KLF13: variants seen among roughly 807,000 people sequenced by gnomAD.
KLF13 encodes the protein Krueppel-like factor 13.
In KLF13, 8 loss-of-function variants were observed where a neutral mutation model predicts 16.7. That is an observed-to-expected ratio of 0.48 (90% CI 0.28 to 0.87). KLF13 has a LOEUF of 0.87. KLF13 is among the 40% of genes least tolerant of loss of function. KLF13 has a pLI of 0.10. For missense variants in KLF13, 447 were observed against 452.2 expected (o/e 0.99, Z 0.10); for synonymous variants, 245 against 208.4 (o/e 1.18, Z -1.51).
At chr15:31,351,293 A>C (rs1391712924) in intron 1 of KLF13, among the ~76,000 whole-genome samples, 1 of 152,238 alleles carries the variant, frequency 6.6e-6, no homozygotes, top group East Asian at 1.9e-4. Context: ...GAGAAACAGG[A>C]AAGTATCAAG....
chr15:31,345,759 G>A (rs1595461062), intron 1 of KLF13, among the ~76,000 whole-genome samples: 1 of 152,200 alleles, frequency 6.6e-6, no homozygotes, highest in Admixed American at 6.5e-5. Context: ...AGTGTGCTTA[G>A]TTCTGACCCG....
intron 1 of KLF13, among the ~76,000 whole-genome samples, chr15:31,347,762 C>T (rs1035871750): frequency 2.6e-5 from 4 of 152,266 alleles, no homozygotes; most frequent in Admixed American, 2.0e-4. Flanking sequence ...CCAACCTCTT[C>T]TGTCTGCCCT....
intron 2 of KLF13, among the ~76,000 whole-genome samples, chr15:31,399,242 C>G (rs773905311): frequency 6.6e-6 from 1 of 152,174 alleles, no homozygotes; most frequent in Non-Finnish European, 1.5e-5. Flanking sequence ...AGTGCAATGG[C>G]GCAATCTTGG....
rs372636775 is a variant in KLF13, at chr15:31,387,792, T to A, written n.224-47578T>A. On this transcript the variant is annotated intron_variant and non_coding_transcript_variant, in intron 1 of 1. Transcript: ENST00000558921. The stretch of plus-strand genomic sequence containing the variant: ...GCAGGCTGTCCCTACAACGGGCAGA[T>A]TGAAGTGTGCACAGATGTCCGTGAC... Among the ~76,000 whole-genome samples, 22 of 152,354 alleles carry A rather than the reference T, an allele frequency of 1.4e-4. No homozygotes were observed. In the South Asian group the frequency reaches 2.7e-3, roughly 19 times the overall value.
intron 1 of KLF13, among the ~76,000 whole-genome samples, chr15:31,427,413 C>T (rs1394182993): frequency 2.0e-5 from 3 of 152,146 alleles, no homozygotes; most frequent in Non-Finnish European, 4.4e-5. Flanking sequence ...TACGGCGATT[C>T]CTCGAGAAAT....
At chr15:31,351,908 G>A (rs931043081) in intron 1 of KLF13, among the ~76,000 whole-genome samples, 1 of 152,088 alleles carries the variant, frequency 6.6e-6, no homozygotes. Context: ...AGCTACTGAG[G>A]AGGCTGAGGC....
chr15:31,376,641 C>G lies in KLF13; in HGVS notation c.*4342C>G, dbSNP rs2039651047. 6.6e-6 allele frequency: 1 copy of G among 152,652 alleles called. No homozygotes were observed. 9.5% of individuals were successfully genotyped at this position (152,652 alleles called of 1,614,324 possible). On this transcript the variant is annotated 3_prime_UTR_variant, in exon 2 of 2. Transcript: ENST00000307145. Reference sequence around the variant, plus strand: ...CATTCCGGAGACCTTTGTACCAGAACTTGGATGCATAGTCCACCTTACTAC... The same window carrying G: ...CATTCCGGAGACCTTTGTACCAGAAGTTGGATGCATAGTCCACCTTACTAC...
downstream of KLF13, among the ~76,000 whole-genome samples, chr15:31,378,706 TTTTC>T (rs2039687868): frequency 6.6e-6 from 1 of 152,132 alleles, no homozygotes; most frequent in African/African-American, 2.4e-5. Context: ...TACCTGTTCT[TTTTC>T]TTTTTTTTGA....
intron 1 of KLF13, among the ~76,000 whole-genome samples, chr15:31,347,856 G>A (rs186656891): frequency 8.5e-4 from 129 of 152,332 alleles, no homozygotes; most frequent in Admixed American, 7.4e-3. Context: ...TGGCTGCAGC[G>A]CTGGTGGAAC....
At chr15:31,415,894 T>C (rs970841116) in intron 1 of KLF13, among the ~76,000 whole-genome samples, 1 of 151,650 alleles carries the variant, frequency 6.6e-6, no homozygotes, top group Non-Finnish European at 1.5e-5. Context: ...AATTGATAAA[T>C]ATTTAATTTT....
At chr15:31,401,117 C>T (rs759889704) in intron 2 of KLF13, among the ~76,000 whole-genome samples, 1 of 152,062 alleles carries the variant, frequency 6.6e-6, no homozygotes, top group Non-Finnish European at 1.5e-5. Flanking sequence ...TATTCTGCCT[C>T]AGCCTACCAA....
intron 1 of KLF13, among the ~76,000 whole-genome samples, chr15:31,421,942 C>T (rs1426750134): frequency 1.3e-5 from 2 of 151,858 alleles, no homozygotes; most frequent in African/African-American, 2.4e-5. Context: ...GATGAAACCC[C>T]ATCTCTACCA....
intron 1 of KLF13, among the ~76,000 whole-genome samples, chr15:31,419,396 A>C (rs1274634497): frequency 6.6e-6 from 1 of 152,238 alleles, no homozygotes; most frequent in Non-Finnish European, 1.5e-5. Context: ...ACAAGAGTAC[A>C]CAGATAGACA....
intron 2 of KLF13, among the ~76,000 whole-genome samples, chr15:31,402,106 T>G (rs998073119): frequency 6.6e-6 from 1 of 152,142 alleles, no homozygotes; most frequent in African/African-American, 2.4e-5. Flanking sequence ...GGGGAGACAC[T>G]GCATGTCCAG....
intron 1 of KLF13, among the ~76,000 whole-genome samples, chr15:31,425,872 C>A (rs1016565662): frequency 6.6e-5 from 10 of 152,084 alleles, no homozygotes; most frequent in African/African-American, 2.4e-4. Context: ...AGTGAAACTC[C>A]GTCTCAAAAA....
intron 1 of KLF13, among the ~76,000 whole-genome samples, chr15:31,412,767 T>A (rs1383261107): frequency 6.6e-6 from 1 of 152,208 alleles, no homozygotes; most frequent in African/African-American, 2.4e-5. Flanking sequence ...TCATTGGAAT[T>A]GACTTCTTGT....
At chr15:31,398,394 C>G (rs1566836138) in intron 2 of KLF13, among the ~76,000 whole-genome samples, 1 of 152,202 alleles carries the variant, frequency 6.6e-6, no homozygotes, top group Non-Finnish European at 1.5e-5. Context: ...AAAACAGCTG[C>G]TGGCATTTCG....
chr15:31,381,177 A>AAAAAAG, downstream of KLF13, among the ~76,000 whole-genome samples: 1 of 152,096 alleles, frequency 6.6e-6, no homozygotes, highest in East Asian at 1.9e-4. Context: ...GTCTCAAAAA[A>AAAAAAG]AAAAAAAAAA....
At chr15:31,415,980 G>A (rs1201846789) in intron 1 of KLF13, among the ~76,000 whole-genome samples, 1 of 151,992 alleles carries the variant, frequency 6.6e-6, no homozygotes, top group African/African-American at 2.4e-5. Context: ...AGGAATAAAA[G>A]AGGAGACATT....
Sources: allele counts gnomAD v4.1 joint callset (sites outside exome capture counted in the v4.1 genomes callset), GRCh38; gene constraint gnomAD v4.1.1; transcripts MANE v1.5; gene names NCBI Gene and HGNC (gene_info 2026-07-23, HGNC 2026-07-21).